CNTNAP2: variants seen among roughly 807,000 people sequenced by gnomAD.
CNTNAP2 encodes contactin associated protein 2.
A neutral mutation model predicts 155.2 loss-of-function variants in CNTNAP2; 98 were observed. That is an observed-to-expected ratio of 0.63 (90% CI 0.54 to 0.75). The LOEUF is 0.75. CNTNAP2 is among the 30% of genes least tolerant of loss of function. The pLI, the probability that CNTNAP2 is intolerant of heterozygous loss-of-function variation, is 0.00. For missense variants in CNTNAP2, 1,727 were observed against 1,688.1 expected (o/e 1.02, Z -0.40); for synonymous variants, 651 against 631.2 (o/e 1.03, Z -0.47).
At chr7:146,738,425 C>T (rs751892461) in intron 1 of CNTNAP2, among the ~76,000 whole-genome samples, 2 of 151,922 alleles carry the variant, frequency 1.3e-5, no homozygotes, top group Non-Finnish European at 2.9e-5. Context: ...TTTTATCAGA[C>T]ATATAGTTTG....
chr7:147,126,922 G>A (rs990339882), intron 6 of CNTNAP2, among the ~76,000 whole-genome samples: 3 of 152,130 alleles, frequency 2.0e-5, no homozygotes, highest in Admixed American at 1.3e-4. Context: ...TGATGAGGTG[G>A]ACTTGTGCCT....
intron 13 of CNTNAP2, among the ~76,000 whole-genome samples, chr7:147,798,147 A>C (rs557319096): frequency 6.8e-4 from 103 of 152,328 alleles, no homozygotes; most frequent in African/African-American, 2.3e-3. Flanking sequence ...GTCACAGTGC[A>C]CGGAGAACTT....
intron 3 of CNTNAP2, among the ~76,000 whole-genome samples, chr7:146,984,975 C>T (rs1798090092): frequency 6.6e-6 from 1 of 152,064 alleles, no homozygotes; most frequent in South Asian, 2.1e-4. Flanking sequence ...GTGAAATAGC[C>T]CTCTCTGAGT....
intron 1 of CNTNAP2, among the ~76,000 whole-genome samples, chr7:146,216,856 A>C (rs1030125321): frequency 1.3e-5 from 2 of 152,162 alleles, no homozygotes; most frequent in African/African-American, 4.8e-5. Context: ...TTATATCATC[A>C]CCTGTTTCAT....
At chr7:148,129,708 A>AGACTTTATCATATCCACT (rs1482204382) in intron 16 of CNTNAP2, among the ~76,000 whole-genome samples, 1 of 152,246 alleles carries the variant, frequency 6.6e-6, no homozygotes, top group East Asian at 1.9e-4. Context: ...GAACCTCTCC[A>AGACTTTATCATATCCACT]GACTTTATCA....
chr7:147,396,255 G>C (rs1796815047), intron 10 of CNTNAP2, among the ~76,000 whole-genome samples: 1 of 150,936 alleles, frequency 6.6e-6, no homozygotes, highest in Non-Finnish European at 1.5e-5. Context: ...CAGAGAATCT[G>C]AGCCTTCAAT....
At chr7:146,235,669 G>T (rs930439864) in intron 1 of CNTNAP2, among the ~76,000 whole-genome samples, 2 of 151,964 alleles carry the variant, frequency 1.3e-5, no homozygotes, top group African/African-American at 4.8e-5. Context: ...CCAGCCTGTG[G>T]TGTTTTCAGG....
chr7:147,288,433 G>T (rs538417605), intron 8 of CNTNAP2, among the ~76,000 whole-genome samples: 1 of 152,182 alleles, frequency 6.6e-6, no homozygotes, highest in African/African-American at 2.4e-5. Context: ...CTTTGAAGGA[G>T]AACTGTAAAA....
At chr7:147,225,824 AAAGAAGGAAG>A (rs776347707) in intron 8 of CNTNAP2, among the ~76,000 whole-genome samples, 9,019 of 145,630 alleles carry the variant, frequency 0.062, 413 homozygotes, top group Non-Finnish European at 0.08. Flanking sequence ...GGAAAGAAGG[AAAGAAGGAAG>A]GAAGGAGGGA....
chr7:147,462,484 T>C (rs908521361), intron 10 of CNTNAP2, among the ~76,000 whole-genome samples: 4 of 152,232 alleles, frequency 2.6e-5, no homozygotes, highest in Non-Finnish European at 5.9e-5. Context: ...AATTTACTTA[T>C]ACAGTCAATT....
chr7:148,017,736 T>C (rs1306300497), intron 15 of CNTNAP2, among the ~76,000 whole-genome samples: 1 of 152,232 alleles, frequency 6.6e-6, no homozygotes, highest in Non-Finnish European at 1.5e-5. Flanking sequence ...AATGCCCATC[T>C]ATGTAACAGT....
At chr7:146,891,301 T>C (rs1435231343) in intron 3 of CNTNAP2, among the ~76,000 whole-genome samples, 1 of 152,164 alleles carries the variant, frequency 6.6e-6, no homozygotes, top group Non-Finnish European at 1.5e-5. Context: ...TTGGGTACTG[T>C]GATCACTATC....
intron 14 of CNTNAP2, among the ~76,000 whole-genome samples, chr7:147,940,876 C>T (rs1311114045): frequency 6.6e-6 from 1 of 152,164 alleles, no homozygotes; most frequent in Non-Finnish European, 1.5e-5. Flanking sequence ...AAACAAATCA[C>T]CATACTATTT....
chr7:147,807,924 T>C (rs529590840), intron 13 of CNTNAP2, among the ~76,000 whole-genome samples: 1 of 152,104 alleles, frequency 6.6e-6, no homozygotes, highest in Non-Finnish European at 1.5e-5. Flanking sequence ...TTGCCAGTCA[T>C]ATGGGAAGTA....
chr7:148,274,237 T>C (rs1796831772), intron 21 of CNTNAP2, among the ~76,000 whole-genome samples: 3 of 151,962 alleles, frequency 2.0e-5, no homozygotes, highest in African/African-American at 4.8e-5. Context: ...GATGAACATA[T>C]AGCATGAGAT....
intron 8 of CNTNAP2, among the ~76,000 whole-genome samples, chr7:147,260,766 G>C (rs1302612740): frequency 2.0e-5 from 3 of 152,180 alleles, no homozygotes; most frequent in Non-Finnish European, 4.4e-5. Flanking sequence ...GTAACCAATG[G>C]ACTCACCTGT....
intron 14 of CNTNAP2, among the ~76,000 whole-genome samples, chr7:147,951,901 C>T (rs537630688): frequency 2.0e-5 from 3 of 151,518 alleles, no homozygotes; most frequent in Non-Finnish European, 2.9e-5. Flanking sequence ...CAAACCTGCA[C>T]ATTCTGCACA....
intron 1 of CNTNAP2, among the ~76,000 whole-genome samples, chr7:146,336,301 C>T (rs7793483): frequency 0.12 from 18,648 of 151,620 alleles, 3,437 homozygotes; most frequent in African/African-American, 0.4. Context: ...CCCTTTCTTC[C>T]AGGAGCTCTC....
chr7:147,815,075 T>G (rs1042284711), intron 13 of CNTNAP2, among the ~76,000 whole-genome samples: 2 of 152,160 alleles, frequency 1.3e-5, no homozygotes, highest in African/African-American at 4.8e-5. Context: ...TCAGATAGTC[T>G]GCAGTCAGGA....
Sources: gnomAD v4.1 joint callset for allele counts (sites outside exome capture counted in the v4.1 genomes callset) on GRCh38, gnomAD v4.1.1 for gene constraint, MANE v1.5 for transcripts, NCBI Gene and HGNC (gene_info 2026-07-23, HGNC 2026-07-21) for gene names.